COL8A1: variants seen among roughly 807,000 people sequenced by gnomAD.
COL8A1 encodes the protein collagen type VIII alpha 1 chain, also known as collagen alpha-1(VIII) chain.
In COL8A1, 21 loss-of-function variants were observed where a neutral mutation model predicts 42.7. The ratio of observed to expected loss-of-function variants is 0.49; its 90% CI spans 0.35 to 0.71. The LOEUF is 0.71. COL8A1 is among the 30% of genes least tolerant of loss of function. COL8A1 has a pLI of 0.01. For missense variants in COL8A1, 788 were observed against 962.4 expected, an observed-to-expected ratio of 0.82 and a Z score of 2.40; for synonymous variants, 367 against 369.1, an observed-to-expected ratio of 0.99 and a Z score of 0.06.
chr3:99,717,429 C>T (rs886209715), intron 1 of COL8A1, among the ~76,000 whole-genome samples: 5 of 151,956 alleles, frequency 3.3e-5, no homozygotes, highest in African/African-American at 1.2e-4. Flanking sequence ...CAACACACCA[C>T]TTAGAATAAT....
chr3:99,741,727 T>C (rs1940905303), intron 1 of COL8A1, among the ~76,000 whole-genome samples: 1 of 152,180 alleles, frequency 6.6e-6, no homozygotes, highest in Admixed American at 6.5e-5. Flanking sequence ...ACTTGGAGAC[T>C]CAGGGCTCCA....
chr3:99,694,700 T>C (rs926379173), intron 1 of COL8A1, among the ~76,000 whole-genome samples: 2 of 152,356 alleles, frequency 1.3e-5, no homozygotes, highest in Middle Eastern at 3.4e-3. Flanking sequence ...TGCAAATCTT[T>C]GTACCTTTGA....
At chr3:99,659,639 G>A (rs1938137740) in intron 1 of COL8A1, among the ~76,000 whole-genome samples, 1 of 152,240 alleles carries the variant, frequency 6.6e-6, no homozygotes, top group African/African-American at 2.4e-5. Flanking sequence ...CAAAAAAAGA[G>A]GTTCACCTGA....
chr3:99,643,435 T>C (rs1279274252), intron 1 of COL8A1, among the ~76,000 whole-genome samples: 1 of 152,208 alleles, frequency 6.6e-6, no homozygotes, highest in Admixed American at 6.5e-5. Context: ...TAAATCTGTG[T>C]TGAGTGGGTG....
chr3:99,741,040 T>A (rs1415436857), intron 1 of COL8A1, among the ~76,000 whole-genome samples: 1 of 152,178 alleles, frequency 6.6e-6, no homozygotes, highest in Non-Finnish European at 1.5e-5. Context: ...ACTCTGGGTA[T>A]ATAATGTCAA....
chr3:99,714,173 C>T (rs1939925404), intron 1 of COL8A1, among the ~76,000 whole-genome samples: 1 of 152,032 alleles, frequency 6.6e-6, no homozygotes, highest in Non-Finnish European at 1.5e-5. Flanking sequence ...GGCCAGAGTC[C>T]ACCACCACAC....
At chr3:99,724,924 C>T (rs1378562019) in intron 1 of COL8A1, among the ~76,000 whole-genome samples, 1 of 151,916 alleles carries the variant, frequency 6.6e-6, no homozygotes, top group South Asian at 2.1e-4. Flanking sequence ...GTGTATGTGT[C>T]TATGTGTGTG....
intron 2 of COL8A1, among the ~76,000 whole-genome samples, chr3:99,758,144 G>T (rs1941296280): frequency 6.6e-6 from 1 of 152,156 alleles, no homozygotes; most frequent in African/African-American, 2.4e-5. Context: ...ATAGGTATGA[G>T]CAGGAGCCCA....
intron 2 of COL8A1, among the ~76,000 whole-genome samples, chr3:99,783,257 T>A (rs946824826): frequency 1.3e-5 from 2 of 152,224 alleles, no homozygotes; most frequent in Admixed American, 6.5e-5. Context: ...GCATTATGTG[T>A]GTGGTTCATT....
chr3:99,658,360 C>T (rs903473545), intron 1 of COL8A1, among the ~76,000 whole-genome samples: 1 of 152,168 alleles, frequency 6.6e-6, no homozygotes, highest in Non-Finnish European at 1.5e-5. Flanking sequence ...CCGCCCAGAA[C>T]ACCCTGCCTT....
intron 1 of COL8A1, chr3:99,685,540 G>T (rs1939024253): frequency 6.6e-6 from 1 of 152,084 alleles, no homozygotes; most frequent in Non-Finnish European, 1.5e-5. Context: ...TTCGCAATAG[G>T]TATTTTTTCT....
intron 1 of COL8A1, among the ~76,000 whole-genome samples, chr3:99,716,728 G>C (rs1203447794): frequency 6.6e-6 from 1 of 151,836 alleles, no homozygotes; most frequent in Non-Finnish European, 1.5e-5. Flanking sequence ...CTTGAACTGA[G>C]GAAAAAAGTA....
intron 1 of COL8A1, chr3:99,679,525 T>C (rs900870072): frequency 2.6e-5 from 4 of 152,226 alleles, no homozygotes; most frequent in African/African-American, 9.6e-5. Flanking sequence ...AATAGTGGCC[T>C]ATTGAAATCA....
intron 1 of COL8A1, among the ~76,000 whole-genome samples, chr3:99,667,513 A>G (rs1365044242): frequency 1.3e-5 from 2 of 152,088 alleles, no homozygotes; most frequent in Non-Finnish European, 2.9e-5. Context: ...GTCGCTTACA[A>G]TTAGGAGGAA....
chr3:99,675,969 G>C (rs1938680541), intron 1 of COL8A1, among the ~76,000 whole-genome samples: 1 of 151,992 alleles, frequency 6.6e-6, no homozygotes, highest in Non-Finnish European at 1.5e-5. Context: ...GAACTTAAAA[G>C]AATGAATAAT....
At chr3:99,789,067 T>G (rs1189050276) in intron 2 of COL8A1, among the ~76,000 whole-genome samples, 1 of 152,146 alleles carries the variant, frequency 6.6e-6, no homozygotes, top group African/African-American at 2.4e-5. Flanking sequence ...AGGGAAAAAA[T>G]GATTTGTTAG....
At chr3:99,735,885 T>C (rs1486830291) in intron 1 of COL8A1, among the ~76,000 whole-genome samples, 5 of 152,028 alleles carry the variant, frequency 3.3e-5, no homozygotes, top group Non-Finnish European at 7.4e-5. Flanking sequence ...CTTGGGAGGG[T>C]GTATGTGTCA....
intron 1 of COL8A1, among the ~76,000 whole-genome samples, chr3:99,701,854 T>C (rs1391841255): frequency 6.6e-6 from 1 of 152,216 alleles, no homozygotes; most frequent in African/African-American, 2.4e-5. Flanking sequence ...TTCACATAGT[T>C]ATAATATGGA....
chr3:99,703,553 T>C (rs1939600536), intron 1 of COL8A1: 1 of 152,254 alleles, frequency 6.6e-6, no homozygotes, highest in Non-Finnish European at 1.5e-5. Context: ...TCACAGACCA[T>C]GTTGCACTTT....
Sources: allele counts gnomAD v4.1 joint callset (sites outside exome capture counted in the v4.1 genomes callset), GRCh38; gene constraint gnomAD v4.1.1; transcripts MANE v1.5; gene names NCBI Gene and HGNC (gene_info 2026-07-23, HGNC 2026-07-21).